Variants in RXFP1 observed in about 807,000 individuals in gnomAD.
RXFP1 encodes the protein relaxin receptor 1.
Under a neutral mutation model 89.8 loss-of-function variants are expected in RXFP1, and 73 were observed. That is an observed-to-expected ratio of 0.81 (90% CI 0.67 to 0.99). The LOEUF is 0.99. Ranked by LOEUF, RXFP1 falls within the 50% of genes least tolerant of loss-of-function variation. The pLI is 0.00. For synonymous variants in RXFP1, 277 were observed against 305.5 expected (o/e 0.91, Z 0.97); for missense variants, 793 against 895.5 (o/e 0.89, Z 1.46).
chr4:158,628,775 C>A, intron 11 of RXFP1, 66 bp downstream of exon 11: 4 of 812,964 alleles, frequency 4.9e-6, no homozygotes, highest in Non-Finnish European at 7.9e-6. Context: ...CTTGTACTTA[C>A]ATGTGTTTAT....
At position 158,612,364 on chromosome 4, in the gene RXFP1, T is replaced by A; in HGVS notation, c.680+2T>A. The A allele has an allele frequency of 6.3e-7, 1 of 1,590,714 alleles. No individual in the cohort carries two copies. The stretch of plus-strand genomic sequence containing the variant: ...TGGACTAAATTCTCTTATTCTCTTG[T>A]AAGTACTAAACTAAAGCAAATATTT... On this transcript the variant is annotated splice_donor_variant, in intron 8 of 17. Transcript: ENST00000307765. LOFTEE classifies it high-confidence loss of function.
chr4:158,573,953 A>G (rs1755692060), intron 2 of RXFP1, among the ~76,000 whole-genome samples: 2 of 152,208 alleles, frequency 1.3e-5, no homozygotes, highest in African/African-American at 4.8e-5. Flanking sequence ...AAAACAAACA[A>G]TATGTAAATA....
chr4:158,563,059 T>G (rs1752826613), intron 1 of RXFP1, among the ~76,000 whole-genome samples: 3 of 152,232 alleles, frequency 2.0e-5, no homozygotes, highest in Admixed American at 1.3e-4. Flanking sequence ...CAGGCGCATG[T>G]AGCCTATCCA....
chr4:158,553,220 T>G (rs1750554801), intron 1 of RXFP1, among the ~76,000 whole-genome samples: 1 of 152,056 alleles, frequency 6.6e-6, no homozygotes, highest in African/African-American at 2.4e-5. Context: ...GACACCAGTA[T>G]GGAAATTTTT....
intron 2 of RXFP1, among the ~76,000 whole-genome samples, chr4:158,579,308 G>A (rs891260165): frequency 2.0e-5 from 3 of 152,040 alleles, no homozygotes; most frequent in Non-Finnish European, 4.4e-5. Flanking sequence ...TCACTCTGTA[G>A]CCCAGGCTGG....
At chr4:158,548,158 G>A (rs537193019) in intron 1 of RXFP1, among the ~76,000 whole-genome samples, 2 of 152,256 alleles carry the variant, frequency 1.3e-5, no homozygotes, top group East Asian at 3.9e-4. Flanking sequence ...CATATATTTA[G>A]GATAGTTAGC....
intron 10 of RXFP1, among the ~76,000 whole-genome samples, chr4:158,627,209 G>A (rs1275211177): frequency 1.3e-5 from 2 of 152,116 alleles, no homozygotes; most frequent in Non-Finnish European, 2.9e-5. Context: ...GTTAATGAGT[G>A]TAATTCCTTC....
chr4:158,628,723 A>G lies in RXFP1; in HGVS notation c.899+14A>G. On this transcript the variant is annotated intron_variant, in intron 11 of 17. Transcript: ENST00000307765. ...ACTGGATGAATTGTAAGTATGACTG[A>G]ACATATACTGATAAGAATTTTCTTT... 3 of 1,403,838 alleles carry G rather than the reference A, an allele frequency of 2.1e-6. No individual in the cohort carries two copies. Among genetic ancestry groups the G allele is most frequent in the Non-Finnish European group, 3.0e-6 (3 of 1,007,018 alleles). The allele number at this position is 1,403,838 out of a possible 1,614,324, so 87.0% of individuals were successfully genotyped here.
chr4:158,541,917 C>CT (rs974675289), intron 1 of RXFP1, among the ~76,000 whole-genome samples: 18 of 150,616 alleles, frequency 1.2e-4, no homozygotes, highest in African/African-American at 4.2e-4. Context: ...TGATGCTTTT[C>CT]TTTTTTGTTT....
Position 158,612,281 on chromosome 4 carries a change from T to C in RXFP1, c.609-10T>C, listed in dbSNP as rs1263813905. ...TATAAATGAATTAATTTTTTTCTTC[T>C]GGCTGTCAGGATAATTGAAGATAAT... On this transcript the variant is annotated splice_polypyrimidine_tract_variant and intron_variant, in intron 7 of 17. Coordinates refer to ENST00000307765, the MANE Select transcript of RXFP1 (RefSeq NM_021634.4). 1.2e-6 allele frequency: 2 copies of C among 1,609,576 alleles called. No individual in the cohort carries two copies. The highest frequency in any genetic ancestry group is 2.2e-5 in the East Asian group (1 of 44,756).
intron 1 of RXFP1, among the ~76,000 whole-genome samples, chr4:158,556,179 AT>A (rs1561003699): frequency 6.6e-6 from 1 of 151,918 alleles, no homozygotes; most frequent in Non-Finnish European, 1.5e-5. Context: ...CAAACTGTAC[AT>A]TTGACAAGGA....
In RXFP1 at chr4:158,578,003, C is replaced by T. The variant is rs561597694; in HGVS notation, c.187+5168C>T. 2.6e-5 allele frequency among the ~76,000 whole-genome samples: 4 copies of T among 152,174 alleles called. No homozygotes were observed. The East Asian group carries it at 7.7e-4, about 29-fold the overall frequency. Reference sequence around the variant, plus strand: ...GTGAAGATTTTTTGTGAACACAATGCAAGCAAAATCAATAGATTTAAAATT... The same window carrying T: ...GTGAAGATTTTTTGTGAACACAATGTAAGCAAAATCAATAGATTTAAAATT... On this transcript the variant is annotated intron_variant, in intron 2 of 17. Coordinates refer to ENST00000307765, the MANE Select transcript of RXFP1 (RefSeq NM_021634.4).
chr4:158,528,325 G>A (rs186023289), intron 1 of RXFP1, among the ~76,000 whole-genome samples: 18 of 152,126 alleles, frequency 1.2e-4, no homozygotes, highest in East Asian at 1.9e-4. Context: ...GCAACATGGC[G>A]CGACCCCCCA....
At chr4:158,642,782 G>A (rs1290418175) in intron 14 of RXFP1, among the ~76,000 whole-genome samples, 4 of 152,056 alleles carry the variant, frequency 2.6e-5, no homozygotes, top group Non-Finnish European at 4.4e-5. Context: ...GTTGCCTCAC[G>A]CCAAGGAAAT....
chr4:158,606,707 C>A (rs1246330327), intron 5 of RXFP1, among the ~76,000 whole-genome samples: 1 of 151,778 alleles, frequency 6.6e-6, no homozygotes, highest in East Asian at 1.9e-4. Context: ...CCTCAGACTC[C>A]CAGGTAGCTA....
rs1761232961 is a variant in RXFP1 at position 158,599,306 on chromosome 4, A to G, written c.287-20A>G. 3 of 1,613,606 alleles carry G rather than the reference A, an allele frequency of 1.9e-6. No homozygotes were observed. The highest frequency in any genetic ancestry group is 1.6e-4 in the Middle Eastern group (1 of 6,062). On this transcript the variant is annotated intron_variant, in intron 3 of 17. Coordinates refer to ENST00000307765, the MANE Select transcript of RXFP1 (RefSeq NM_021634.4). ...TGGTCCCTCACTGTCATCATGCCTT[A>G]CCACTTCCCCTTGATTCAGTGGTCG...
intron 1 of RXFP1, among the ~76,000 whole-genome samples, chr4:158,560,564 G>A (rs1426365415): frequency 2.0e-5 from 3 of 152,236 alleles, no homozygotes; most frequent in South Asian, 2.1e-4. Context: ...AACCTGACCC[G>A]GCATGGCCTA....
At chr4:158,566,669 G>A (rs1753624882) in intron 1 of RXFP1, among the ~76,000 whole-genome samples, 1 of 152,158 alleles carries the variant, frequency 6.6e-6, no homozygotes, top group Non-Finnish European at 1.5e-5. Context: ...CGGCCCAAAA[G>A]TTACTTTTAA....
intron 17 of RXFP1, among the ~76,000 whole-genome samples, chr4:158,651,180 A>G: frequency 6.6e-6 from 1 of 152,258 alleles, no homozygotes; most frequent in East Asian, 1.9e-4. Context: ...TTATAATCAA[A>G]TCAGAGTATT....
Sources: allele counts gnomAD v4.1 joint callset (sites outside exome capture counted in the v4.1 genomes callset), GRCh38; gene constraint gnomAD v4.1.1; transcripts MANE v1.5; gene names NCBI Gene and HGNC (gene_info 2026-07-23, HGNC 2026-07-21).